The following MPRIP variants were observed in gnomAD, a reference collection of about 807,000 sequenced individuals.
MPRIP encodes myosin phosphatase Rho interacting protein.
MPRIP carries 59 observed loss-of-function variants against 234.9 expected under a neutral mutation model. That is an observed-to-expected ratio of 0.25 (90% CI 0.20 to 0.31). MPRIP has a LOEUF of 0.31. MPRIP is among the 10% of genes least tolerant of loss of function. The pLI is 1.00. For missense variants in MPRIP, 2,436 were observed against 3,071.0 expected, an observed-to-expected ratio of 0.79 and a Z score of 4.89; for synonymous variants, 1,144 against 1,263.9, an observed-to-expected ratio of 0.91 and a Z score of 2.01.
intron 3 of MPRIP, among the ~76,000 whole-genome samples, chr17:17,088,441 A>G (rs2089641484): frequency 6.6e-6 from 1 of 152,244 alleles, no homozygotes; most frequent in African/African-American, 2.4e-5. Context: ...GAAACTAATT[A>G]AGTAAGAGCG....
In MPRIP at chr17:17,092,372, C is replaced by G. The variant is rs368316785; in HGVS notation, c.267+14296C>G. Among the ~76,000 whole-genome samples the G allele has an allele frequency of 3.9e-5, 6 of 152,288 alleles. No individual in the cohort carries two copies. The South Asian group carries it at 1.2e-3, about 32-fold the overall frequency. ...TGTCAGGTGCACACTGTTTGGTCAT[C>G]TGCTTGACTTGTGCTAGGCACTGTG... is the stretch of plus-strand genomic sequence containing the variant. On this transcript the variant is annotated intron_variant, in intron 3 of 23. Coordinates refer to ENST00000651222, the MANE Select transcript of MPRIP (RefSeq NM_001364716.4).
At chr17:17,091,401 G>A (rs1203312974) in intron 3 of MPRIP, among the ~76,000 whole-genome samples, 1 of 152,178 alleles carries the variant, frequency 6.6e-6, no homozygotes, top group Non-Finnish European at 1.5e-5. Context: ...TTCAGAGACA[G>A]ATGCCGCTTG....
chr17:17,076,615 G>A (rs890288578), intron 2 of MPRIP, among the ~76,000 whole-genome samples: 2 of 151,966 alleles, frequency 1.3e-5, no homozygotes, highest in African/African-American at 4.8e-5. Flanking sequence ...AATGTTCCTG[G>A]GAAACATGTT....
At chr17:17,117,094 C>G (rs910064068) in intron 3 of MPRIP, among the ~76,000 whole-genome samples, 1 of 152,202 alleles carries the variant, frequency 6.6e-6, no homozygotes, top group African/African-American at 2.4e-5. Flanking sequence ...CTCTCTGCCA[C>G]AGGGTAGAAG....
Position 17,136,517 on chromosome 17 carries a change from G to A in MPRIP, c.736+67G>A, listed in dbSNP as rs555097084. 2.6e-5 allele frequency: 39 copies of A among 1,478,794 alleles called. No homozygotes were observed. The African/African-American group carries it at 4.9e-4, about 18-fold the overall frequency. 91.6% of individuals were successfully genotyped at this position (1,478,794 alleles called of 1,614,324 possible). A position where few individuals can be genotyped will look rare whatever the true frequency, so the allele number is the denominator to read the frequency against. On this transcript the variant is annotated intron_variant, in intron 6 of 23. Coordinates refer to ENST00000651222, the MANE Select transcript of MPRIP (RefSeq NM_001364716.4). ...CTCCCTCCCATCAGAGCTGGCCCTG[G>A]GGATTCAGCCAAGGCCTGTAGAGCC...
chr17:17,180,632 A>T (rs1009323326), intron 23 of MPRIP: 1 of 1,613,960 alleles, frequency 6.2e-7, no homozygotes, highest in African/African-American at 1.3e-5. Context: ...GTCTCGTGGG[A>T]TACCTGAAAT....
Position 17,165,241 on chromosome 17 carries a change from G to C in MPRIP, c.3650G>C (p.Arg1217Thr). 1 of 1,304,134 alleles carries C rather than the reference G, an allele frequency of 7.7e-7. No homozygotes were observed. The highest frequency in any genetic ancestry group is 1.0e-6 in the Non-Finnish European group (1 of 988,972). 80.8% of individuals were successfully genotyped at this position (1,304,134 alleles called of 1,614,324 possible). The change falls in exon 16 of 24, where the codon AGG becomes ACG. Residue 1217 changes from arginine to threonine, a missense_variant. Around this residue, in one of 4 missense-constraint regions of MPRIP, gnomAD observed 1,998 missense variants for 2,520.3 expected, o/e 0.79. Transcript: ENST00000651222. ...CTCCAGGCAAAAGAAGAGATTTTAAGGAAATTTGCAAGTGAATCTCCAAAG... is the reference window on the plus strand; with the variant it reads ...CTCCAGGCAAAAGAAGAGATTTTAACGAAATTTGCAAGTGAATCTCCAAAG... ...IKLQAKEEIL[R>T]KFASESPKDM...
rs2046493401 is a variant in MPRIP, at chr17:17,187,257, AT to A, written c.*2365del. On this transcript the variant is annotated 3_prime_UTR_variant, in exon 24 of 24. Coordinates refer to ENST00000651222, the MANE Select transcript of MPRIP (RefSeq NM_001364716.4). ...GGCTGGACTTCAGGAATCCTGGAAA[AT>A]TAATATGAGTGCAGCATGTGAGGGG... 1 of 152,206 alleles carries A rather than the reference AT, an allele frequency of 6.6e-6. No individual in the cohort carries two copies. Among genetic ancestry groups the A allele is most frequent in the African/African-American group, 2.4e-5 (1 of 41,442 alleles). The allele number at this position is 152,206 out of a possible 1,614,324, so 9.4% of individuals were successfully genotyped here. A position where few individuals can be genotyped will look rare whatever the true frequency, so the allele number is the denominator to read the frequency against.
intron 1 of MPRIP, among the ~76,000 whole-genome samples, chr17:17,067,790 C>CA (rs2089081437): frequency 1.3e-5 from 1 of 76,770 alleles, no homozygotes; most frequent in Non-Finnish European, 2.5e-5. Context: ...CTTCTTCTTC[C>CA]TTTTTTTTTT....
rs1207420965 is a variant in MPRIP, at chr17:17,158,873, G to T, written c.2271G>T (p.Arg757=). 6.8e-6 allele frequency: 11 copies of T among 1,611,894 alleles called. No homozygotes were observed. In the African/African-American group the frequency reaches 1.5e-4, roughly 22 times the overall value. The change falls in exon 14 of 24, where the codon CGG becomes CGT. Residue 757 remains arginine, a synonymous_variant. Transcript: ENST00000651222. The part of the protein sequence containing the change: ...THNVHVEIEQ[R]WHQVETTPLR... ...ACGTCCACGTGGAGATTGAGCAGCG[G>T]TGGCATCAGGTGGAGACCACACCTC...
At chr17:17,172,166 C>G (rs2046152457) in intron 17 of MPRIP, among the ~76,000 whole-genome samples, 1 of 152,244 alleles carries the variant, frequency 6.6e-6, no homozygotes, top group Admixed American at 6.5e-5. Flanking sequence ...CAGTGTCAGT[C>G]CAGCCAGTGA....
chr17:17,136,484 G>A, intron 6 of MPRIP, 34 bp downstream of exon 6: 1 of 1,578,512 alleles, frequency 6.3e-7, no homozygotes, highest in East Asian at 2.3e-5. Context: ...GTATGCACGG[G>A]AATGGCCCTC....
intron 12 of MPRIP, among the ~76,000 whole-genome samples, chr17:17,152,235 G>A (rs991483693): frequency 2.0e-5 from 3 of 152,232 alleles, no homozygotes; most frequent in Non-Finnish European, 2.9e-5. Context: ...AAGTTTCAAG[G>A]CTCCTCTGTC....
chr17:17,126,094 T>G (rs1189126802), intron 3 of MPRIP, among the ~76,000 whole-genome samples: 2 of 152,236 alleles, frequency 1.3e-5, no homozygotes, highest in African/African-American at 2.4e-5. Context: ...CTGTCCCTAA[T>G]TTCAGTGTGT....
chr17:17,072,854 C>G (rs1473894813), intron 1 of MPRIP, among the ~76,000 whole-genome samples: 1 of 152,126 alleles, frequency 6.6e-6, no homozygotes, highest in Admixed American at 6.5e-5. Flanking sequence ...GCGCCCCTGC[C>G]CAGAGAGTCC....
At position 17,053,636 on chromosome 17, in the gene MPRIP, C is replaced by T. The variant is rs145002948; in HGVS notation, c.123+10665C>T. ...GGGCAGTGCGGGGAGCACCAGGTCC[C>T]CATCCCTCTTAGGTTACTGCAGAGA... is the stretch of plus-strand genomic sequence containing the variant. On this transcript the variant is annotated intron_variant, in intron 1 of 23. Coordinates refer to ENST00000651222, the MANE Select transcript of MPRIP (RefSeq NM_001364716.4). 3.8e-3 allele frequency among the ~76,000 whole-genome samples: 581 copies of T among 152,282 alleles called. 2 individuals carry two copies. Among genetic ancestry groups the T allele is most frequent in the Middle Eastern group, 6.8e-3 (2 of 294 alleles).
At chr17:17,098,431 C>T (rs755551598) in intron 3 of MPRIP, among the ~76,000 whole-genome samples, 4 of 152,174 alleles carry the variant, frequency 2.6e-5, no homozygotes, top group Non-Finnish European at 2.9e-5. Context: ...TTCTCTCCCC[C>T]GACCCTCGGC....
At chr17:17,101,808 G>C (rs1242756282) in intron 3 of MPRIP, among the ~76,000 whole-genome samples, 2 of 152,196 alleles carry the variant, frequency 1.3e-5, no homozygotes, top group Non-Finnish European at 2.9e-5. Flanking sequence ...TGCTCAGGCA[G>C]CTGCAGTTCA....
intron 1 of MPRIP, chr17:17,057,879 A>C: frequency 3.4e-6 from 2 of 587,004 alleles, no homozygotes; most frequent in Admixed American, 5.8e-5. Context: ...GCAATATTGG[A>C]TGTACACAAA....
Sources: gnomAD v4.1 joint callset for allele counts (sites outside exome capture counted in the v4.1 genomes callset) on GRCh38, gnomAD v4.1.1 for gene constraint, gnomAD v4.1.1 regional missense constraint, MANE v1.5 for transcripts, NCBI Gene and HGNC (gene_info 2026-07-23, HGNC 2026-07-21) for gene names.